CHD9: variants seen among roughly 807,000 people sequenced by gnomAD.
The protein encoded by CHD9 is ATP-dependent chromatin remodeler CHD9.
A neutral mutation model predicts 316.1 loss-of-function variants in CHD9; 77 were observed. The observed-to-expected ratio is 0.24, with a 90% CI of 0.20 to 0.29. CHD9 has a LOEUF of 0.29. CHD9 is among the 10% of genes least tolerant of loss of function. The probability of loss-of-function intolerance (pLI) is 1.00; values close to 1 mark genes in which losing one functional copy is unlikely to be tolerated. For missense variants in CHD9, 2,763 were observed against 3,438.1 expected (o/e 0.80, Z 4.91); for synonymous variants, 1,129 against 1,158.3 (o/e 0.97, Z 0.51).
chr16:53,084,824 C>G (rs563103147), intron 1 of CHD9, among the ~76,000 whole-genome samples: 5 of 152,266 alleles, frequency 3.3e-5, no homozygotes, highest in Admixed American at 6.5e-5. Flanking sequence ...GGCGGTCTTA[C>G]CCTGTTAGGA....
chr16:53,115,151 C>T (rs2038194330), intron 1 of CHD9, among the ~76,000 whole-genome samples: 1 of 152,114 alleles, frequency 6.6e-6, no homozygotes, highest in Non-Finnish European at 1.5e-5. Context: ...AAGGCTGCCT[C>T]TTGTGATAAT....
intron 2 of CHD9, among the ~76,000 whole-genome samples, chr16:53,165,923 TTTATA>T (rs1394040310): frequency 2.6e-5 from 4 of 152,136 alleles, no homozygotes; most frequent in Non-Finnish European, 5.9e-5. Flanking sequence ...GATTAAAACT[TTTATA>T]AGGTACCATC....
chr16:53,176,133 G>A (rs551847497), intron 2 of CHD9, among the ~76,000 whole-genome samples: 2 of 152,278 alleles, frequency 1.3e-5, no homozygotes, highest in African/African-American at 4.8e-5. Context: ...GATCTCACTG[G>A]ACTAAAATCA....
chr16:53,305,964 C>T (rs8050349), intron 31 of CHD9, among the ~76,000 whole-genome samples: 41,988 of 151,986 alleles, frequency 0.28, 5,901 homozygotes, highest in Middle Eastern at 0.32. Flanking sequence ...GTAGTGCACA[C>T]CTGTAATCTG....
At chr16:53,119,373 TA>T (rs143260025) in intron 1 of CHD9, among the ~76,000 whole-genome samples, 15 of 149,404 alleles carry the variant, frequency 1.0e-4, no homozygotes, top group African/African-American at 2.7e-4. Flanking sequence ...CACTGTTATT[TA>T]AAAAAAAAAC....
chr16:53,243,706 A>G (rs1205850801), intron 13 of CHD9, among the ~76,000 whole-genome samples: 1 of 152,252 alleles, frequency 6.6e-6, no homozygotes, highest in Non-Finnish European at 1.5e-5. Flanking sequence ...CATTTATGGT[A>G]AAAAGTCCTA....
intron 38 of CHD9, 127 bp from the exon 39 acceptor site, chr16:53,323,893 A>G: frequency 1.3e-6 from 1 of 759,278 alleles, no homozygotes; most frequent in Non-Finnish European, 2.1e-6. Flanking sequence ...ATAATTGATT[A>G]TTTAATATCA....
chr16:53,163,323 G>T (rs2042049476), intron 2 of CHD9, among the ~76,000 whole-genome samples: 1 of 152,084 alleles, frequency 6.6e-6, no homozygotes, highest in African/African-American at 2.4e-5. Context: ...CAATTCTCCT[G>T]CCTCAGCCTC....
In CHD9 at chr16:53,326,640, C is replaced by T. The variant is rs1450373536; in HGVS notation, c.*1745C>T. The stretch of plus-strand genomic sequence containing the variant: ...TCTTAGCAATAGTCTCTATAATGCC[C>T]ATCCAGGAGAAGTGGGTAGTAATTC... On this transcript the variant is annotated 3_prime_UTR_variant, in exon 39 of 39. Coordinates refer to ENST00000447540, the MANE Select transcript of CHD9 (RefSeq NM_001308319.2). 6.6e-6 allele frequency: 1 copy of T among 152,312 alleles called. No individual in the cohort carries two copies. The highest frequency in any genetic ancestry group is 6.6e-5 in the Admixed American group (1 of 15,252). The allele number at this position is 152,312 out of a possible 1,614,324, so 9.4% of individuals were successfully genotyped here.
chr16:53,067,548 T>C (rs763429886), intron 1 of CHD9, among the ~76,000 whole-genome samples: 26 of 152,200 alleles, frequency 1.7e-4, no homozygotes, highest in Non-Finnish European at 1.9e-4. Flanking sequence ...ATGAATTTTC[T>C]TGGTTTTGAT....
chr16:53,108,459 T>C (rs1260437138), intron 1 of CHD9, among the ~76,000 whole-genome samples: 1 of 151,544 alleles, frequency 6.6e-6, no homozygotes, highest in Non-Finnish European at 1.5e-5. Context: ...GAGCTATGAT[T>C]GCACCAGTGC....
At chr16:53,146,026 C>T (rs946349740) in intron 1 of CHD9, among the ~76,000 whole-genome samples, 13 of 151,570 alleles carry the variant, frequency 8.6e-5, no homozygotes, top group African/African-American at 2.9e-4. Context: ...TTATATTCAT[C>T]GAAATGACAG....
chr16:53,321,078 G>A (rs1393139843), intron 37 of CHD9: 1 of 429,388 alleles, frequency 2.3e-6, no homozygotes, highest in South Asian at 1.8e-5. Context: ...TATGTGACAG[G>A]CATTATGCTA....
At chr16:53,103,208 T>G (rs2037052139) in intron 1 of CHD9, among the ~76,000 whole-genome samples, 1 of 150,438 alleles carries the variant, frequency 6.6e-6, no homozygotes, top group Non-Finnish European at 1.5e-5. Flanking sequence ...TTTCTTTTTC[T>G]TTAAAAAAGA....
Position 53,293,038 on chromosome 16 carries a change from A to G in CHD9, c.5496A>G (p.Ile1832Met). 2 of 1,612,870 alleles carry G rather than the reference A, an allele frequency of 1.2e-6. No individual in the cohort carries two copies. Among genetic ancestry groups the G allele is most frequent in the Non-Finnish European group, 1.7e-6 (2 of 1,179,288 alleles). ...TTAATCCTAAAATGGCAGCCAAGAT[A>G]GAAAGACAGCAAAGGTAAGACAATA... is the stretch of plus-strand genomic sequence containing the variant. The part of the protein sequence containing the change: ...ATLNPKMAAK[I>M]ERQQRWTRRE... The change falls in exon 29 of 39, where the codon ATA becomes ATG. Residue 1832 changes from isoleucine (I) to methionine (M), a missense_variant. By Grantham distance (10) the Ile-to-Met change is conservative. Around this residue, in one of 15 missense-constraint regions of CHD9, gnomAD observed 183 missense variants for 258.5 expected, o/e 0.71. Transcript: ENST00000447540.
At chr16:53,085,758 C>T (rs1039535899) in intron 1 of CHD9, among the ~76,000 whole-genome samples, 18 of 152,142 alleles carry the variant, frequency 1.2e-4, no homozygotes, top group Admixed American at 2.6e-4. Flanking sequence ...TGGCACTGTA[C>T]GAGGCCTCCT....
At chr16:53,295,218 C>T (rs994964881) in intron 29 of CHD9, among the ~76,000 whole-genome samples, 4 of 152,172 alleles carry the variant, frequency 2.6e-5, no homozygotes, top group East Asian at 1.9e-4. Context: ...CCTCTGCCTC[C>T]GGGGTTCAAG....
intron 19 of CHD9, among the ~76,000 whole-genome samples, chr16:53,259,967 A>G (rs1042837791): frequency 2.6e-5 from 4 of 152,214 alleles, no homozygotes; most frequent in Admixed American, 6.5e-5. Context: ...CTGAAAATTG[A>G]TATGTTTATA....
At chr16:53,064,172 C>G (rs997544439) in intron 1 of CHD9, among the ~76,000 whole-genome samples, 1 of 152,084 alleles carries the variant, frequency 6.6e-6, no homozygotes, top group African/African-American at 2.4e-5. Context: ...GAAGATCAAT[C>G]TATTCCCTTT....
Sources: gnomAD v4.1 joint callset for allele counts (sites outside exome capture counted in the v4.1 genomes callset) on GRCh38, gnomAD v4.1.1 for gene constraint, gnomAD v4.1.1 regional missense constraint, MANE v1.5 for transcripts, NCBI Gene and HGNC (gene_info 2026-07-23, HGNC 2026-07-21) for gene names.